Variants in FOXP1 observed in about 807,000 individuals in gnomAD.
The protein encoded by FOXP1 is forkhead box P1.
Under a neutral mutation model 98.2 loss-of-function variants are expected in FOXP1, and 15 were observed. The ratio of observed to expected loss-of-function variants is 0.15; its 90% CI spans 0.10 to 0.24. FOXP1 has a LOEUF of 0.24. Among genes scored for constraint, FOXP1 ranks in the 10% least tolerant of loss-of-function variants. The probability of loss-of-function intolerance (pLI) is 1.00; values close to 1 mark genes in which losing one functional copy is unlikely to be tolerated. For synonymous variants in FOXP1, 371 were observed against 314.5 expected, an observed-to-expected ratio of 1.18 and a Z score of -1.90; for missense variants, 633 against 848.5, an observed-to-expected ratio of 0.75 and a Z score of 3.15.
chr3:71,277,387 T>C (rs114441975), intron 5 of FOXP1, among the ~76,000 whole-genome samples: 5,102 of 152,114 alleles, frequency 0.034, 115 homozygotes, highest in African/African-American at 0.061. Flanking sequence ...AATGACAAGA[T>C]TTCATTCTTT....
intron 8 of FOXP1, 90 bp downstream of exon 8, chr3:71,053,546 C>G: frequency 6.6e-7 from 1 of 1,513,492 alleles, no homozygotes. Flanking sequence ...AGCAAAGGAG[C>G]TGCTCTGGTG....
chr3:71,473,087 T>C (rs1160901419), intron 3 of FOXP1, among the ~76,000 whole-genome samples: 1 of 152,156 alleles, frequency 6.6e-6, no homozygotes, highest in East Asian at 1.9e-4. Context: ...TACACTCCAT[T>C]AGACAAACAC....
intron 4 of FOXP1, among the ~76,000 whole-genome samples, chr3:71,328,990 C>CAAAAAAAAAAAAAAAAAAAAAA (rs56332143): frequency 1.7e-5 from 1 of 59,026 alleles, no homozygotes; most frequent in Non-Finnish European, 3.6e-5. Context: ...AAAAAAAAAA[C>CAAAAAAAAAAAAAAAAAAAAAA]AAAAAAAAAA....
intron 4 of FOXP1, among the ~76,000 whole-genome samples, chr3:71,353,177 G>A (rs145883344): frequency 1.9e-4 from 29 of 152,236 alleles, no homozygotes; most frequent in African/African-American, 5.8e-4. Context: ...GGACTCAGAC[G>A]ATGCAGCAAA....
At chr3:71,428,939 C>T (rs1025907216) in intron 3 of FOXP1, among the ~76,000 whole-genome samples, 1 of 152,210 alleles carries the variant, frequency 6.6e-6, no homozygotes, top group Admixed American at 6.5e-5. Context: ...TTCAGCTCGT[C>T]CATTCTACTG....
intron 3 of FOXP1, among the ~76,000 whole-genome samples, chr3:71,469,938 A>C (rs745306972): frequency 6.6e-6 from 1 of 152,126 alleles, no homozygotes; most frequent in Non-Finnish European, 1.5e-5. Context: ...GTAGGACAGA[A>C]ATGGCCTCAT....
chr3:70,962,193 T>TG (rs1324708430), intron 20 of FOXP1, among the ~76,000 whole-genome samples: 2 of 152,358 alleles, frequency 1.3e-5, no homozygotes, highest in East Asian at 3.9e-4. Context: ...ATAATGTTTA[T>TG]GGCTAGATGA....
chr3:71,366,820 C>A (rs1227815895), intron 3 of FOXP1, among the ~76,000 whole-genome samples: 1 of 152,156 alleles, frequency 6.6e-6, no homozygotes, highest in Admixed American at 6.5e-5. Flanking sequence ...GAATAGACCA[C>A]CTTACTTTTT....
chr3:70,999,683 T>TA (rs892636663), intron 13 of FOXP1, among the ~76,000 whole-genome samples: 24 of 151,540 alleles, frequency 1.6e-4, no homozygotes, highest in East Asian at 3.9e-4. Flanking sequence ...GATAACTAAT[T>TA]AAAAAAAAAT....
intron 12 of FOXP1, among the ~76,000 whole-genome samples, chr3:71,004,787 G>A (rs2042561056): frequency 6.6e-6 from 1 of 152,046 alleles, no homozygotes; most frequent in African/African-American, 2.4e-5. Flanking sequence ...TGTTAAGCCG[G>A]TCATACGTGA....
rs145316657 is a variant in FOXP1, at chr3:71,327,202, A to T, written c.-72-27322T>A. Among the ~76,000 whole-genome samples the T allele has an allele frequency of 1.6e-3, 247 of 151,532 alleles. 2 individuals carry two copies. Among genetic ancestry groups the T allele is most frequent in the African/African-American group, 5.8e-3 (238 of 41,280 alleles). ...TACCTTCAGAAATGCTTGTGAAGGG[A>T]ATCATTTGAGGCTGACTTTGATGGA... On this transcript the variant is annotated intron_variant, in intron 4 of 20. Transcript: ENST00000649528.
At chr3:71,184,643 T>C (rs942845456) in intron 6 of FOXP1, among the ~76,000 whole-genome samples, 1 of 152,104 alleles carries the variant, frequency 6.6e-6, no homozygotes, top group Non-Finnish European at 1.5e-5. Context: ...AAATTAAAGA[T>C]AGACAGGTCA....
intron 5 of FOXP1, among the ~76,000 whole-genome samples, chr3:71,198,751 G>A (rs367735003): frequency 4.0e-5 from 6 of 151,332 alleles, no homozygotes; most frequent in African/African-American, 1.2e-4. Flanking sequence ...GGAGTGCAGC[G>A]GTGCAATCTC....
intron 2 of FOXP1, chr3:71,571,876 C>T (rs2047366774): frequency 6.6e-6 from 1 of 152,208 alleles, no homozygotes; most frequent in Non-Finnish European, 1.5e-5. Flanking sequence ...AGCATCAACT[C>T]TGGCTTATGC....
chr3:71,557,567 G>A (rs1412247891), intron 2 of FOXP1, among the ~76,000 whole-genome samples: 2 of 152,182 alleles, frequency 1.3e-5, no homozygotes, highest in African/African-American at 4.8e-5. Flanking sequence ...ACAAGAGGAA[G>A]GCAGCTCTGA....
chr3:71,045,403 G>A (rs745759072), intron 10 of FOXP1, among the ~76,000 whole-genome samples: 2 of 152,150 alleles, frequency 1.3e-5, no homozygotes, highest in Non-Finnish European at 2.9e-5. Flanking sequence ...GAACCTTAGT[G>A]AGCAAACTTG....
intron 2 of FOXP1, among the ~76,000 whole-genome samples, chr3:71,556,992 TA>T (rs996923231): frequency 3.2e-4 from 48 of 150,394 alleles, no homozygotes; most frequent in Admixed American, 5.3e-4. Context: ...ATTCAATGAC[TA>T]AAAAAAAAGT....
At chr3:71,523,636 C>T (rs1365909217) in intron 2 of FOXP1, among the ~76,000 whole-genome samples, 1 of 152,232 alleles carries the variant, frequency 6.6e-6, no homozygotes, top group East Asian at 1.9e-4. Flanking sequence ...CTGTTTGCCT[C>T]CTTTCCTAAT....
chr3:71,158,105 A>AAGGAAGGGAGGAAGGAAGGG (rs1443906018), intron 6 of FOXP1, among the ~76,000 whole-genome samples: 2 of 34,020 alleles, frequency 5.9e-5, no homozygotes, highest in Non-Finnish European at 1.7e-4. Flanking sequence ...GGAAGGAAGG[A>AAGGAAGGGAGGAAGGAAGGG]AGGGAGGGAG....
Sources: gnomAD v4.1 joint callset for allele counts (sites outside exome capture counted in the v4.1 genomes callset) on GRCh38, gnomAD v4.1.1 for gene constraint, MANE v1.5 for transcripts, NCBI Gene and HGNC (gene_info 2026-07-23, HGNC 2026-07-21) for gene names.